The following CAMSAP1 variants were observed in gnomAD, a reference collection of about 807,000 sequenced individuals.
CAMSAP1 encodes calmodulin-regulated spectrin-associated protein 1.
Under a neutral mutation model 143.5 loss-of-function variants are expected in CAMSAP1, and 58 were observed. The observed-to-expected ratio is 0.40, with a 90% CI of 0.33 to 0.50. The LOEUF (loss-of-function observed/expected upper bound fraction) is 0.50. Among genes scored for constraint, CAMSAP1 ranks in the 20% least tolerant of loss-of-function variants. CAMSAP1 has a pLI of 0.45. For missense variants in CAMSAP1, 1,969 were observed against 2,115.7 expected (o/e 0.93, Z 1.36); for synonymous variants, 945 against 859.3 (o/e 1.10, Z -1.74).
At chr9:135,870,690 G>C (rs1164190576) in intron 3 of CAMSAP1, among the ~76,000 whole-genome samples, 1 of 152,174 alleles carries the variant, frequency 6.6e-6, no homozygotes, top group Admixed American at 6.5e-5. Flanking sequence ...AGTTACTTGG[G>C]AGGCTAAGGC....
intron 5 of CAMSAP1, among the ~76,000 whole-genome samples, chr9:135,858,603 G>A (rs1837061406): frequency 6.6e-6 from 1 of 152,176 alleles, no homozygotes; most frequent in East Asian, 1.9e-4. Flanking sequence ...GAACCAGTAG[G>A]ACATACGAGA....
chr9:135,855,326 T>C (rs993195420), intron 5 of CAMSAP1, among the ~76,000 whole-genome samples: 1 of 152,152 alleles, frequency 6.6e-6, no homozygotes, highest in African/African-American at 2.4e-5. Context: ...ACACGCAGTA[T>C]TTGGTTTTCT....
intron 1 of CAMSAP1, among the ~76,000 whole-genome samples, chr9:135,895,328 T>C (rs778483544): frequency 7.9e-5 from 12 of 152,142 alleles, no homozygotes; most frequent in Non-Finnish European, 1.3e-4. Flanking sequence ...CAAAATATTT[T>C]CAAGCAGCCA....
At chr9:135,848,347 G>A (rs577633399) in intron 7 of CAMSAP1, among the ~76,000 whole-genome samples, 9 of 152,090 alleles carry the variant, frequency 5.9e-5, no homozygotes, top group South Asian at 2.1e-4. Flanking sequence ...AATAGTGCAC[G>A]CACACACAGA....
chr9:135,869,479 G>A (rs1207113324), intron 3 of CAMSAP1, among the ~76,000 whole-genome samples: 1 of 151,492 alleles, frequency 6.6e-6, no homozygotes, highest in Non-Finnish European at 1.5e-5. Flanking sequence ...CTCCCGCTTG[G>A]GCAAAAGGGC....
intron 7 of CAMSAP1, among the ~76,000 whole-genome samples, chr9:135,845,942 C>CTTCCG (rs2130888403): frequency 6.6e-6 from 1 of 152,060 alleles, no homozygotes; most frequent in Admixed American, 6.5e-5. Context: ...CCATACTTCC[C>CTTCCG]AAAGTAATTT....
In CAMSAP1 at chr9:135,821,993, T is replaced by C. The variant is rs778634309; in HGVS notation, c.2668A>G (p.Arg890Gly). 1.2e-6 allele frequency: 2 copies of C among 1,612,982 alleles called. No homozygotes were observed. The highest frequency in any genetic ancestry group is 8.5e-7 in the Non-Finnish European group (1 of 1,179,714). ...QLHMQLEEKR[R>G]AIEAQKKKME... ...TTCTTCTTCTGGGCCTCGATGGCCC[T>C]GCGCTTCTCCTCCAGCTGCATGTGC... The change falls in exon 11 of 17, where the codon AGG becomes GGG. Residue 890 changes from arginine (R) to glycine (G), a missense_variant. By Grantham distance (125) the Arg-to-Gly change is moderately radical. Transcript: ENST00000389532. This position sits in a 1 kb window ranked among gnomAD's most constrained non-coding sequence, Gnocchi z 4.6.
intron 14 of CAMSAP1, among the ~76,000 whole-genome samples, chr9:135,817,449 T>C (rs1835270083): frequency 6.6e-6 from 1 of 152,000 alleles, no homozygotes; most frequent in Non-Finnish European, 1.5e-5. Flanking sequence ...TGGAGTGCAG[T>C]AGCCTGAGCA....
Position 135,818,537 on chromosome 9 carries a change from T to G in CAMSAP1, c.4039A>C (p.Arg1347=), listed in dbSNP as rs775021958. The G allele has an allele frequency of 1.9e-6, 3 of 1,612,904 alleles. No homozygotes were observed. Among genetic ancestry groups the G allele is most frequent in the East Asian group, 2.2e-5 (1 of 44,866 alleles). ...RELIKQEYLR[R]KQQQILEEQG... ...TCCTCTAGGATCTGCTGCTGCTTCCTCCGCAGGTACTCCTGCTTGATGAGC... is the reference window on the plus strand; with the variant it reads ...TCCTCTAGGATCTGCTGCTGCTTCCGCCGCAGGTACTCCTGCTTGATGAGC... Residue 1347 remains arginine, a synonymous_variant, in exon 13 of 17, where the codon AGG becomes CGG. Coordinates refer to ENST00000389532, the MANE Select transcript of CAMSAP1 (RefSeq NM_015447.4). The surrounding 1 kb of genome is among the most constrained non-coding windows in gnomAD (Gnocchi z 7.7).
intron 10 of CAMSAP1, 68 bp downstream of exon 10, chr9:135,823,882 C>T (rs1016802876): frequency 3.2e-6 from 4 of 1,243,154 alleles, no homozygotes; most frequent in Non-Finnish European, 4.6e-6. Context: ...GTTGGGGTGA[C>T]ATCTTAAGAA....
intron 3 of CAMSAP1, among the ~76,000 whole-genome samples, chr9:135,871,074 TAAC>T (rs779703170): frequency 1.2e-4 from 19 of 152,350 alleles, no homozygotes; most frequent in Admixed American, 9.8e-4. Context: ...TGAACTTCAA[TAAC>T]AACAACATAT....
rs1837235067 is a variant in CAMSAP1, at chr9:135,862,522, A to T, written c.753T>A (p.Gly251=). 1 of 1,551,686 alleles carries T rather than the reference A, an allele frequency of 6.4e-7. No individual in the cohort carries two copies. The highest frequency in any genetic ancestry group is 8.7e-7 in the Non-Finnish European group (1 of 1,146,994). The change falls in exon 5 of 17, where the codon GGT becomes GGA. Residue 251 remains glycine, a synonymous_variant. Coordinates refer to ENST00000389532, the MANE Select transcript of CAMSAP1 (RefSeq NM_015447.4). ...AGTGAATCACAGCTAAGAGAGCAGC[A>T]CCATCACTGCCGTCTCTCATCAAAT... ...LEDLMRDGSD[G]AALLAVIHYY... is the part of the protein sequence containing the mutation.
At position 135,808,891 on chromosome 9, in the gene CAMSAP1, A is replaced by G. The variant is rs1032420785; in HGVS notation, c.*2418T>C. The G allele has an allele frequency of 6.6e-6, 1 of 152,248 alleles. No homozygotes were observed. Among genetic ancestry groups the G allele is most frequent in the African/African-American group, 2.4e-5 (1 of 41,460 alleles). 9.4% of individuals were successfully genotyped at this position (152,248 alleles called of 1,614,324 possible). Reference sequence around the variant, plus strand: ...CATCATACATTGAATCATTTGGTTTACACTTTCTTTACAAAGTTATATCCT... The same window carrying G: ...CATCATACATTGAATCATTTGGTTTGCACTTTCTTTACAAAGTTATATCCT... On this transcript the variant is annotated 3_prime_UTR_variant, in exon 17 of 17. Coordinates refer to ENST00000389532, the MANE Select transcript of CAMSAP1 (RefSeq NM_015447.4).
Position 135,821,274 on chromosome 9 carries a change from C to CG in CAMSAP1, c.3386dup (p.Leu1130AlafsTer30). 6.2e-7 allele frequency: 1 copy of CG among 1,610,100 alleles called. No homozygotes were observed. Among genetic ancestry groups the CG allele is most frequent in the Non-Finnish European group, 8.5e-7 (1 of 1,179,766 alleles). ...CAGGGAAGGGTCTCAAGTGCGGGAG[C>CG]GTCTCTACACTGGGCGTTGGGGTTT... On this transcript the variant is annotated frameshift_variant, in exon 11 of 17. Transcript: ENST00000389532. LOFTEE classifies it high-confidence loss of function. This position sits in a 1 kb window ranked among gnomAD's most constrained non-coding sequence, Gnocchi z 4.6.
chr9:135,867,723 G>C (rs1837429393), intron 3 of CAMSAP1, among the ~76,000 whole-genome samples: 1 of 152,202 alleles, frequency 6.6e-6, no homozygotes, highest in African/African-American at 2.4e-5. Flanking sequence ...ACATTTGCTT[G>C]TAACTCTGAT....
chr9:135,906,584 T>A (rs1838783611), intron 1 of CAMSAP1, among the ~76,000 whole-genome samples: 1 of 152,174 alleles, frequency 6.6e-6, no homozygotes, highest in Non-Finnish European at 1.5e-5. Context: ...TCATAACAAG[T>A]GCAAGGCTCG....
rs760134173 is a variant in CAMSAP1, at chr9:135,823,219, G to A, written c.1442C>T (p.Ala481Val). The A allele has an allele frequency of 9.5e-6, 15 of 1,573,932 alleles. No homozygotes were observed. The highest frequency in any genetic ancestry group is 8.8e-5 in the Admixed American group (5 of 56,766). ...QPTPFALHHA[A>V]SCEVDPSSGD... is the part of the protein sequence containing the mutation. ...AGAGCTGGGATCCACTTCACAACTC[G>A]CAGCGTGATGTAGAGCAAAAGGTGT... Residue 481 changes from alanine to valine, a missense_variant, in exon 11 of 17, where the codon GCG becomes GTG. Ala to Val is a moderately conservative substitution (Grantham distance 64). Around this residue, in one of 4 missense-constraint regions of CAMSAP1, gnomAD observed 1,390 missense variants for 1,420.8 expected, o/e 0.98. Transcript: ENST00000389532.
chr9:135,821,160 G>A lies in CAMSAP1; in HGVS notation c.3501C>T (p.Asp1167=). 1 of 1,611,806 alleles carries A rather than the reference G, an allele frequency of 6.2e-7. No individual in the cohort carries two copies. Among genetic ancestry groups the A allele is most frequent in the Non-Finnish European group, 8.5e-7 (1 of 1,179,894 alleles). The change falls in exon 11 of 17, where the codon GAC becomes GAT. Residue 1167 remains aspartate, a synonymous_variant. Coordinates refer to ENST00000389532, the MANE Select transcript of CAMSAP1 (RefSeq NM_015447.4). This position sits in a 1 kb window ranked among gnomAD's most constrained non-coding sequence, Gnocchi z 4.6. The part of the protein sequence containing the change: ...SGDPHGKCLF[D]SYRLHDESNQ... Reference sequence around the variant, plus strand: ...TGCTTTCATCATGGAGCCTGTAACTGTCGAAGAGACACTTCCCATGTGGGT... The same window carrying A: ...TGCTTTCATCATGGAGCCTGTAACTATCGAAGAGACACTTCCCATGTGGGT...
rs115315113 is a variant in CAMSAP1, at chr9:135,850,337, C to T, written c.933G>A (p.Ala311=). The stretch of plus-strand genomic sequence containing the variant: ...TCGTTATTACCTTCAACACTAATGG[C>T]GCATACAGCATATCTTCCAAGGTGA... ...FYLTLEDMLY[A]PLVLKPNVMV... is the part of the protein sequence containing the mutation. The change falls in exon 6 of 17, where the codon GCG becomes GCA. Residue 311 remains alanine (A), a synonymous_variant. Coordinates refer to ENST00000389532, the MANE Select transcript of CAMSAP1 (RefSeq NM_015447.4). The T allele has an allele frequency of 2.1e-3, 3,441 of 1,609,708 alleles. 67 individuals carry two copies. The African/African-American group carries it at 0.041, about 19-fold the overall frequency.
Sources: gnomAD v4.1 joint callset for allele counts (sites outside exome capture counted in the v4.1 genomes callset) on GRCh38, gnomAD v4.1.1 for gene constraint, gnomAD v4.1.1 regional missense constraint, Gnocchi (gnomAD v3.1) non-coding constraint, MANE v1.5 for transcripts, NCBI Gene and HGNC (gene_info 2026-07-23, HGNC 2026-07-21) for gene names.